The following HNF4G variants were observed in gnomAD, a reference collection of about 807,000 sequenced individuals.
The protein encoded by HNF4G is hepatocyte nuclear factor 4 gamma.
In HNF4G, 21 loss-of-function variants were observed where a neutral mutation model predicts 50.9. The ratio of observed to expected loss-of-function variants is 0.41; its 90% CI spans 0.29 to 0.59. HNF4G has a LOEUF of 0.59. Ranked by LOEUF, HNF4G falls within the 20% of genes least tolerant of loss-of-function variation. The pLI, the probability that HNF4G is intolerant of heterozygous loss-of-function variation, is 0.26. For synonymous variants in HNF4G, 198 were observed against 185.6 expected (o/e 1.07, Z -0.54); for missense variants, 527 against 559.4 (o/e 0.94, Z 0.58).
At chr8:75,476,733 C>T (rs1812249129) in intron 1 of HNF4G, among the ~76,000 whole-genome samples, 1 of 152,054 alleles carries the variant, frequency 6.6e-6, no homozygotes, top group Non-Finnish European at 1.5e-5. Context: ...GCTTTCTGCC[C>T]AAAGAAAGAG....
intron 1 of HNF4G, among the ~76,000 whole-genome samples, chr8:75,431,958 T>C (rs1170696722): frequency 1.3e-5 from 2 of 150,064 alleles, no homozygotes; most frequent in African/African-American, 4.9e-5. Flanking sequence ...ACAAAATAGA[T>C]GCTAAGTGCA....
chr8:75,515,423 C>CAT (rs1386841218), intron 2 of HNF4G, among the ~76,000 whole-genome samples: 1 of 152,058 alleles, frequency 6.6e-6, no homozygotes, highest in Non-Finnish European at 1.5e-5. Context: ...CAGACACATA[C>CAT]ATATATATTC....
intron 5 of HNF4G, among the ~76,000 whole-genome samples, chr8:75,555,439 C>T (rs1016958340): frequency 6.6e-6 from 1 of 152,110 alleles, no homozygotes; most frequent in Non-Finnish European, 1.5e-5. Flanking sequence ...ATCTAGAAAG[C>T]GGCAGAACCC....
rs549726118 is a variant in HNF4G at position 75,449,712 on chromosome 8, T to C, written c.-143-40377T>C. Among the ~76,000 whole-genome samples, 14 of 152,024 alleles carry C rather than the reference T, an allele frequency of 9.2e-5. No individual in the cohort carries two copies. The South Asian group carries it at 2.7e-3, about 29-fold the overall frequency. On this transcript the variant is annotated intron_variant, in intron 1 of 10. Coordinates refer to the HNF4G transcript ENST00000354370. Reference sequence around the variant, plus strand: ...TTAGTAGAGACGGGGTTTCACCGTGTTAGCCCGGATGGTCTCGATCTCCTG... The same window carrying C: ...TTAGTAGAGACGGGGTTTCACCGTGCTAGCCCGGATGGTCTCGATCTCCTG...
At chr8:75,476,002 C>G (rs903421890) in intron 1 of HNF4G, among the ~76,000 whole-genome samples, 2 of 151,994 alleles carry the variant, frequency 1.3e-5, no homozygotes, top group Non-Finnish European at 2.9e-5. Context: ...CATGGACATA[C>G]TGTGTAATGG....
At chr8:75,415,243 A>T (rs1459991963) in intron 1 of HNF4G, among the ~76,000 whole-genome samples, 1 of 152,070 alleles carries the variant, frequency 6.6e-6, no homozygotes, top group Non-Finnish European at 1.5e-5. Context: ...TTCATTATCA[A>T]GTTAGAAGAG....
chr8:75,420,371 T>G (rs946109873), intron 1 of HNF4G, among the ~76,000 whole-genome samples: 5 of 152,254 alleles, frequency 3.3e-5, no homozygotes, highest in Admixed American at 2.0e-4. Flanking sequence ...TAAAATCATC[T>G]GATTGGTTTC....
At chr8:75,492,981 A>C (rs777941483) in intron 2 of HNF4G, among the ~76,000 whole-genome samples, 8 of 152,104 alleles carry the variant, frequency 5.3e-5, no homozygotes, top group Non-Finnish European at 1.2e-4. Flanking sequence ...TTTGTGCAAG[A>C]AATGCATGAG....
At chr8:75,467,124 C>G (rs925414071) in intron 1 of HNF4G, among the ~76,000 whole-genome samples, 2 of 151,932 alleles carry the variant, frequency 1.3e-5, no homozygotes, top group African/African-American at 2.4e-5. Context: ...CATTTGTTTT[C>G]TTGATGTAAG....
intron 1 of HNF4G, among the ~76,000 whole-genome samples, chr8:75,431,982 G>A (rs1244264464): frequency 6.6e-6 from 1 of 151,972 alleles, no homozygotes; most frequent in Non-Finnish European, 1.5e-5. Context: ...GCTTACACCT[G>A]TAATCCCAGC....
At chr8:75,492,855 A>C (rs939470367) in intron 2 of HNF4G, among the ~76,000 whole-genome samples, 3 of 152,116 alleles carry the variant, frequency 2.0e-5, no homozygotes, top group African/African-American at 7.2e-5. Context: ...AAAGTGAAAG[A>C]AAAACTTCTC....
At chr8:75,502,941 T>A (rs578145317) in intron 2 of HNF4G, among the ~76,000 whole-genome samples, 1 of 152,300 alleles carries the variant, frequency 6.6e-6, no homozygotes, top group South Asian at 2.1e-4. Flanking sequence ...ACAAAATGCA[T>A]ATTGTAACAT....
intron 2 of HNF4G, among the ~76,000 whole-genome samples, chr8:75,512,276 A>G (rs1805774802): frequency 6.6e-6 from 1 of 151,910 alleles, no homozygotes; most frequent in Admixed American, 6.6e-5. Flanking sequence ...TACTAAAGTC[A>G]TGATTCTAAT....
At chr8:75,517,469 A>G (rs1272972302) in intron 2 of HNF4G, among the ~76,000 whole-genome samples, 1 of 152,210 alleles carries the variant, frequency 6.6e-6, no homozygotes, top group African/African-American at 2.4e-5. Flanking sequence ...CGATGGGGGT[A>G]CAGGCATTGG....
At chr8:75,420,438 G>A (rs1006509097) in intron 1 of HNF4G, among the ~76,000 whole-genome samples, 6 of 152,220 alleles carry the variant, frequency 3.9e-5, no homozygotes, top group African/African-American at 4.8e-5. Flanking sequence ...GGTGTTTGAC[G>A]TTCCGGCCTC....
chr8:75,529,053 G>A (rs1428913059), intron 2 of HNF4G, among the ~76,000 whole-genome samples: 3 of 152,006 alleles, frequency 2.0e-5, no homozygotes, highest in African/African-American at 7.3e-5. Flanking sequence ...TTGGGAGGCC[G>A]AGACGGACGG....
At chr8:75,491,815 G>A (rs1009625605) in intron 2 of HNF4G, among the ~76,000 whole-genome samples, 10 of 152,172 alleles carry the variant, frequency 6.6e-5, no homozygotes, top group African/African-American at 1.2e-4. Context: ...AATGCAAGTC[G>A]CTTAGAGGAC....
chr8:75,465,016 T>C (rs1021649860), intron 1 of HNF4G, among the ~76,000 whole-genome samples: 10 of 152,198 alleles, frequency 6.6e-5, no homozygotes, highest in African/African-American at 2.4e-4. Context: ...CAACAGTGTC[T>C]GCCTACATTT....
At chr8:75,413,476 G>C (rs1810555584) in intron 1 of HNF4G, among the ~76,000 whole-genome samples, 1 of 151,512 alleles carries the variant, frequency 6.6e-6, no homozygotes, top group Non-Finnish European at 1.5e-5. Context: ...ATGAAGGAGT[G>C]AGAGAGATTG....
Sources: allele counts gnomAD v4.1 joint callset (sites outside exome capture counted in the v4.1 genomes callset), GRCh38; gene constraint gnomAD v4.1.1; transcripts MANE v1.5; gene names NCBI Gene and HGNC (gene_info 2026-07-23, HGNC 2026-07-21).